Variants in CNTNAP2 observed in about 807,000 individuals in gnomAD.
The protein encoded by CNTNAP2 is contactin associated protein 2.
CNTNAP2 carries 98 observed loss-of-function variants against 155.2 expected under a neutral mutation model. The ratio of observed to expected loss-of-function variants is 0.63; its 90% CI spans 0.54 to 0.75. The LOEUF is 0.75. Among genes scored for constraint, CNTNAP2 ranks in the 30% least tolerant of loss-of-function variants. The pLI is 0.00. For synonymous variants in CNTNAP2, 651 were observed against 631.2 expected (o/e 1.03, Z -0.47); for missense variants, 1,727 against 1,688.1 (o/e 1.02, Z -0.40).
rs535297714 is a variant in CNTNAP2, at chr7:146,905,888, G to A, written c.402+65984G>A. Among the ~76,000 whole-genome samples, 757 of 152,334 alleles carry A rather than the reference G, an allele frequency of 5.0e-3. 5 individuals carry two copies. The highest frequency in any genetic ancestry group is 0.016 in the African/African-American group (659 of 41,580). On this transcript the variant is annotated intron_variant, in intron 3 of 23. Coordinates refer to ENST00000361727, the MANE Select transcript of CNTNAP2 (RefSeq NM_014141.6). ...ATTTCTGGAAATCATCTGAGGTACC[G>A]GGTTCATCTCACTAGGGAGTGCCAG...
intron 21 of CNTNAP2, among the ~76,000 whole-genome samples, chr7:148,348,286 T>C (rs1798361744): frequency 2.0e-5 from 3 of 152,218 alleles, no homozygotes; most frequent in Non-Finnish European, 4.4e-5. Flanking sequence ...CATAAAGCCT[T>C]ATCTTTGTGT....
intron 13 of CNTNAP2, among the ~76,000 whole-genome samples, chr7:147,734,379 G>A: frequency 6.6e-6 from 1 of 152,170 alleles, no homozygotes; most frequent in Non-Finnish European, 1.5e-5. Context: ...CTTGATCATG[G>A]TGGATAAGCT....
intron 13 of CNTNAP2, among the ~76,000 whole-genome samples, chr7:147,863,987 C>T (rs1379586380): frequency 1.3e-5 from 2 of 152,048 alleles, no homozygotes; most frequent in Non-Finnish European, 2.9e-5. Context: ...GTGTTTTAGA[C>T]ATGAAGTCCT....
At chr7:148,350,233 C>T (rs1323393050) in intron 21 of CNTNAP2, among the ~76,000 whole-genome samples, 1 of 89,742 alleles carries the variant, frequency 1.1e-5, no homozygotes, top group African/African-American at 4.1e-5. Context: ...GAGAGAGGCT[C>T]AAATTCCCAA....
intron 13 of CNTNAP2, among the ~76,000 whole-genome samples, chr7:147,697,518 G>T (rs917974457): frequency 1.3e-5 from 2 of 152,102 alleles, no homozygotes; most frequent in Admixed American, 6.6e-5. Flanking sequence ...TGCTAATTCA[G>T]TCTCCAACTA....
At chr7:146,491,346 G>A (rs968858378) in intron 1 of CNTNAP2, among the ~76,000 whole-genome samples, 1 of 151,518 alleles carries the variant, frequency 6.6e-6, no homozygotes, top group African/African-American at 2.4e-5. Flanking sequence ...CTCATGGGAA[G>A]TGTATCATCA....
At chr7:147,870,603 C>T (rs992998771) in intron 13 of CNTNAP2, among the ~76,000 whole-genome samples, 9 of 152,182 alleles carry the variant, frequency 5.9e-5, no homozygotes, top group Non-Finnish European at 1.0e-4. Flanking sequence ...AACCCCAATG[C>T]CAAGGCAATC....
intron 1 of CNTNAP2, among the ~76,000 whole-genome samples, chr7:146,724,059 T>C (rs1005277613): frequency 2.0e-5 from 3 of 152,198 alleles, no homozygotes; most frequent in Non-Finnish European, 2.9e-5. Flanking sequence ...CATTTTCATT[T>C]GCTAGATGTT....
At chr7:146,398,501 G>A (rs1795667158) in intron 1 of CNTNAP2, among the ~76,000 whole-genome samples, 1 of 151,994 alleles carries the variant, frequency 6.6e-6, no homozygotes, top group African/African-American at 2.4e-5. Flanking sequence ...TGGAGATTAT[G>A]GGTACTACAA....
chr7:146,334,714 G>A (rs543031642), intron 1 of CNTNAP2, among the ~76,000 whole-genome samples: 1 of 152,176 alleles, frequency 6.6e-6, no homozygotes, highest in East Asian at 1.9e-4. Flanking sequence ...CTCCTCCTCT[G>A]CAAGTGTAAT....
chr7:146,617,629 G>A (rs770055668), intron 1 of CNTNAP2, among the ~76,000 whole-genome samples: 5 of 152,070 alleles, frequency 3.3e-5, no homozygotes, highest in Non-Finnish European at 7.4e-5. Flanking sequence ...TAAAAGAACC[G>A]TTTACGTTTT....
chr7:147,148,837 G>C (rs542630621), intron 8 of CNTNAP2, among the ~76,000 whole-genome samples: 1 of 152,156 alleles, frequency 6.6e-6, no homozygotes, highest in Non-Finnish European at 1.5e-5. Context: ...AGCTCTTAAA[G>C]CTGGTGCATC....
chr7:146,700,259 G>C (rs1666139879), intron 1 of CNTNAP2, among the ~76,000 whole-genome samples: 1 of 152,052 alleles, frequency 6.6e-6, no homozygotes, highest in Admixed American at 6.6e-5. Flanking sequence ...GACTCATTCT[G>C]TGTGTTCACC....
At chr7:146,515,315 T>A (rs1482203677) in intron 1 of CNTNAP2, among the ~76,000 whole-genome samples, 1 of 152,092 alleles carries the variant, frequency 6.6e-6, no homozygotes, top group Non-Finnish European at 1.5e-5. Context: ...GGCTGCCTAC[T>A]CTGATCTCAT....
chr7:146,350,040 T>C (rs181937933), intron 1 of CNTNAP2, among the ~76,000 whole-genome samples: 3,743 of 152,274 alleles, frequency 0.025, 177 homozygotes, highest in African/African-American at 0.085. Context: ...GGGAAGTTCT[T>C]CTGGATAATA....
At chr7:147,572,701 A>AACAC (rs55950116) in intron 12 of CNTNAP2, among the ~76,000 whole-genome samples, 215 of 149,090 alleles carry the variant, frequency 1.4e-3, no homozygotes, top group African/African-American at 3.5e-3. Flanking sequence ...CAGGATGGGA[A>AACAC]ACACACACAC....
At chr7:148,052,837 G>C (rs971821886) in intron 15 of CNTNAP2, among the ~76,000 whole-genome samples, 1 of 152,150 alleles carries the variant, frequency 6.6e-6, no homozygotes, top group Admixed American at 6.5e-5. Context: ...ACTTGAGGTC[G>C]GGAGTTTGAG....
At chr7:147,713,906 T>C (rs1290764211) in intron 13 of CNTNAP2, among the ~76,000 whole-genome samples, 1 of 152,160 alleles carries the variant, frequency 6.6e-6, no homozygotes, top group African/African-American at 2.4e-5. Context: ...ATTTTTTGGT[T>C]ATTTCATAGT....
intron 11 of CNTNAP2, among the ~76,000 whole-genome samples, chr7:147,502,247 A>G (rs1798828560): frequency 6.6e-6 from 1 of 152,240 alleles, no homozygotes; most frequent in Non-Finnish European, 1.5e-5. Flanking sequence ...TGGAATCACA[A>G]AAGACCCCAA....
Sources: allele counts gnomAD v4.1 joint callset (sites outside exome capture counted in the v4.1 genomes callset), GRCh38; gene constraint gnomAD v4.1.1; transcripts MANE v1.5; gene names NCBI Gene and HGNC (gene_info 2026-07-23, HGNC 2026-07-21).